VAX1: variants seen among roughly 807,000 people sequenced by gnomAD.
VAX1 encodes ventral anterior homeobox 1.
Under a neutral mutation model 17.6 loss-of-function variants are expected in VAX1, and 6 were observed. The observed-to-expected ratio is 0.34, with a 90% CI of 0.19 to 0.67. VAX1 has a LOEUF of 0.67. Ranked by LOEUF, VAX1 falls within the 30% of genes least tolerant of loss-of-function variation. The pLI is 0.69. For synonymous variants in VAX1, 256 were observed against 227.4 expected (o/e 1.13, Z -1.13); for missense variants, 408 against 463.7 (o/e 0.88, Z 1.10).
downstream of VAX1, chr10:117,132,340 C>G: frequency 1.9e-6 from 3 of 1,611,688 alleles, no homozygotes; most frequent in African/African-American, 1.3e-5. This position sits in a 1 kb window ranked among gnomAD's most constrained non-coding sequence, Gnocchi z 4.9. Context: ...CATTTATCAT[C>G]ATAGATATAT....
downstream of VAX1, chr10:117,132,118 G>A (rs1854093042): frequency 3.8e-6 from 5 of 1,330,260 alleles, no homozygotes; most frequent in South Asian, 6.7e-5. The surrounding 1 kb of genome is among the most constrained non-coding windows in gnomAD (Gnocchi z 4.9). Flanking sequence ...GGAACAAATC[G>A]TCGTAGCCAG....
chr10:117,132,594 T>C, downstream of VAX1: 1 of 1,203,750 alleles, frequency 8.3e-7, no homozygotes. This position sits in a 1 kb window ranked among gnomAD's most constrained non-coding sequence, Gnocchi z 4.9. Context: ...GAATACATTC[T>C]AGACACTGCG....
chr10:117,132,976 A>G (rs559227889), downstream of VAX1, among the ~76,000 whole-genome samples: 35 of 152,334 alleles, frequency 2.3e-4, no homozygotes, highest in African/African-American at 6.3e-4. The surrounding 1 kb of genome is among the most constrained non-coding windows in gnomAD (Gnocchi z 4.9). Flanking sequence ...TTGTGCCCGA[A>G]GCTACGCGCC....
downstream of VAX1, chr10:117,132,022 C>G: frequency 3.4e-6 from 2 of 583,804 alleles, no homozygotes; most frequent in Non-Finnish European, 6.0e-6. The surrounding 1 kb of genome is among the most constrained non-coding windows in gnomAD (Gnocchi z 4.9). Flanking sequence ...CTAAGAATTA[C>G]GCAGTGGGAA....
intron 2 of VAX1, among the ~76,000 whole-genome samples, chr10:117,135,934 C>G (rs1465146973): frequency 1.3e-5 from 2 of 152,240 alleles, no homozygotes; most frequent in African/African-American, 4.8e-5. Flanking sequence ...CTTTAAGGGT[C>G]AGGGCAGCCT....
chr10:117,134,172 G>C lies in VAX1; in HGVS notation c.841C>G (p.Leu281Val), dbSNP rs1854133001. 1.3e-6 allele frequency: 2 copies of C among 1,521,874 alleles called. No individual in the cohort carries two copies. Among genetic ancestry groups the C allele is most frequent in the Non-Finnish European group, 1.8e-6 (2 of 1,134,886 alleles). The allele number at this position is 1,521,874 out of a possible 1,614,324, so 94.3% of individuals were successfully genotyped here. A position where few individuals can be genotyped will look rare whatever the true frequency, so the allele number is the denominator to read the frequency against. ...GACAGGCGGCTGGCGACGGAGCCGA[G>C]CAGCGAGGGCACCGGCAGGCTGAAG... is the stretch of plus-strand genomic sequence containing the variant. ...SLFSLPVPSL[L>V]GSVASRLSSA... The change falls in exon 3 of 3, where the codon CTC becomes GTC. Residue 281 changes from leucine (L) to valine (V), a missense_variant. This residue lies in a region of VAX1 where 196 missense variants were observed against 218.7 expected (regional missense o/e 0.90). Coordinates refer to ENST00000369206, the MANE Select transcript of VAX1 (RefSeq NM_001112704.2). The surrounding 1 kb of genome is among the most constrained non-coding windows in gnomAD (Gnocchi z 6.2).
chr10:117,132,465 C>A, downstream of VAX1: 2 of 1,609,644 alleles, frequency 1.2e-6, no homozygotes. The surrounding 1 kb of genome is among the most constrained non-coding windows in gnomAD (Gnocchi z 4.9). Flanking sequence ...TCATTATTTT[C>A]TTCACTATTT....
Position 117,133,613 on chromosome 10 carries a change from G to C in VAX1, c.*395C>G. 1.0e-6 allele frequency: 1 copy of C among 990,866 alleles called. No individual in the cohort carries two copies. Among genetic ancestry groups the C allele is most frequent in the Non-Finnish European group, 1.2e-6 (1 of 833,736 alleles). The allele number at this position is 990,866 out of a possible 1,614,324, so 61.4% of individuals were successfully genotyped here. A position where few individuals can be genotyped will look rare whatever the true frequency, so the allele number is the denominator to read the frequency against. ...AGTTTTCCTCTTTCAAATATTCCTA[G>C]GAATAGTCGGCAGCGGCAGCAGCCG... On this transcript the variant is annotated 3_prime_UTR_variant, in exon 3 of 3. Transcript: ENST00000369206.
downstream of VAX1, chr10:117,132,277 TC>T (rs1854097167): frequency 1.2e-6 from 2 of 1,613,908 alleles, no homozygotes; most frequent in African/African-American, 1.3e-5. This position sits in a 1 kb window ranked among gnomAD's most constrained non-coding sequence, Gnocchi z 4.9. Flanking sequence ...GGCTCTTTCT[TC>T]CTTTTCTTCT....
At chr10:117,135,475 T>C (rs973920248) in intron 2 of VAX1, among the ~76,000 whole-genome samples, 3 of 152,212 alleles carry the variant, frequency 2.0e-5, no homozygotes, top group Non-Finnish European at 4.4e-5. Context: ...CTATCCTATC[T>C]AGATTTTATA....
chr10:117,132,564 T>G, downstream of VAX1: 1 of 1,451,736 alleles, frequency 6.9e-7, no homozygotes, highest in Non-Finnish European at 9.4e-7. The surrounding 1 kb of genome is among the most constrained non-coding windows in gnomAD (Gnocchi z 4.9). Context: ...AAAAGTGTTT[T>G]TCGCTTGCTT....
At chr10:117,132,643 T>G (rs1854104726), downstream of VAX1, among the ~76,000 whole-genome samples, 1 of 152,156 alleles carries the variant, frequency 6.6e-6, no homozygotes, top group South Asian at 2.1e-4. This position sits in a 1 kb window ranked among gnomAD's most constrained non-coding sequence, Gnocchi z 4.9. Context: ...GGTTAAAATG[T>G]GGGTGGCCGT....
In VAX1 at chr10:117,134,032, C is replaced by T; in HGVS notation, c.981G>A (p.Gly327=). 6.6e-7 allele frequency: 1 copy of T among 1,522,736 alleles called. No individual in the cohort carries two copies. Among genetic ancestry groups the T allele is most frequent in the South Asian group, 1.2e-5 (1 of 80,342 alleles). 94.3% of individuals were successfully genotyped at this position (1,522,736 alleles called of 1,614,324 possible). The part of the protein sequence containing the change: ...EPYSRTNNKE[G]AEKKALD ...ATCAGTCCAGCGCTTTTTTCTCGGC[C>T]CCTTCTTTATTGTTGGTCCGGGAGT... The change falls in exon 3 of 3, where the codon GGG becomes GGA. Residue 327 remains glycine, a synonymous_variant. Coordinates refer to ENST00000369206, the MANE Select transcript of VAX1 (RefSeq NM_001112704.2). The surrounding 1 kb of genome is among the most constrained non-coding windows in gnomAD (Gnocchi z 6.2).
At chr10:117,132,389 T>C, downstream of VAX1, 1 of 1,610,924 alleles carries the variant, frequency 6.2e-7, no homozygotes, top group Non-Finnish European at 8.5e-7. The surrounding 1 kb of genome is among the most constrained non-coding windows in gnomAD (Gnocchi z 4.9). Context: ...AACATCCAAA[T>C]ATCCAAAACA....
Position 117,133,713 on chromosome 10 carries a change from C to T in VAX1, c.*295G>A. 1 of 1,140,278 alleles carries T rather than the reference C, an allele frequency of 8.8e-7. No individual in the cohort carries two copies. The highest frequency in any genetic ancestry group is 2.9e-5 in the South Asian group (1 of 34,384). The allele number at this position is 1,140,278 out of a possible 1,614,324, so 70.6% of individuals were successfully genotyped here. ...AGTCTTTTCCCTCCTGGGCTGGGCA[C>T]GGGGTCAGGGCATCAGGTTGACTAA... is the stretch of plus-strand genomic sequence containing the variant. On this transcript the variant is annotated 3_prime_UTR_variant, in exon 3 of 3. Transcript: ENST00000369206.
rs752978368 is a variant in VAX1, at chr10:117,134,169, C to G, written c.844G>C (p.Gly282Arg). The part of the protein sequence containing the change: ...LFSLPVPSLL[G>R]SVASRLSSAP... ...GAGGACAGGCGGCTGGCGACGGAGC[C>G]GAGCAGCGAGGGCACCGGCAGGCTG... The change falls in exon 3 of 3, where the codon GGC becomes CGC. Residue 282 changes from glycine (G) to arginine (R), a missense_variant. Physicochemically the swap from Gly to Arg is moderately radical, Grantham distance 125. Around this residue, in one of 4 missense-constraint regions of VAX1, gnomAD observed 196 missense variants for 218.7 expected, o/e 0.90. Coordinates refer to ENST00000369206, the MANE Select transcript of VAX1 (RefSeq NM_001112704.2). This position sits in a 1 kb window ranked among gnomAD's most constrained non-coding sequence, Gnocchi z 6.2. The G allele has an allele frequency of 7.2e-6, 11 of 1,521,954 alleles. No homozygotes were observed. In the African/African-American group the frequency reaches 1.4e-4, roughly 20 times the overall value. The allele number at this position is 1,521,954 out of a possible 1,614,324, so 94.3% of individuals were successfully genotyped here.
downstream of VAX1, chr10:117,132,387 AAT>A (rs1482817457): frequency 2.5e-6 from 4 of 1,611,330 alleles, no homozygotes; most frequent in Non-Finnish European, 2.5e-6. The surrounding 1 kb of genome is among the most constrained non-coding windows in gnomAD (Gnocchi z 4.9). Flanking sequence ...AAAACATCCA[AAT>A]ATCCAAAACA....
downstream of VAX1, chr10:117,132,543 T>A (rs1854103084): frequency 1.3e-6 from 2 of 1,548,328 alleles, no homozygotes; most frequent in Admixed American, 1.9e-5. This position sits in a 1 kb window ranked among gnomAD's most constrained non-coding sequence, Gnocchi z 4.9. Context: ...ACAATAAAAT[T>A]ACTATTTTAA....
chr10:117,134,729 G>C lies in VAX1; in HGVS notation c.430-146C>G, dbSNP rs775618886. On this transcript the variant is annotated intron_variant, in intron 2 of 2. Transcript: ENST00000369206. The surrounding 1 kb of genome is among the most constrained non-coding windows in gnomAD (Gnocchi z 6.2). Reference sequence around the variant, plus strand: ...CCCACCCAGCAGCCGGAGGGGTCCGGGCCGGGGCGCTGCTGGGGGAGCTGG... The same window carrying C: ...CCCACCCAGCAGCCGGAGGGGTCCGCGCCGGGGCGCTGCTGGGGGAGCTGG... 2 of 821,322 alleles carry C rather than the reference G, an allele frequency of 2.4e-6. No individual in the cohort carries two copies. The highest frequency in any genetic ancestry group is 3.4e-5 in the East Asian group (1 of 29,498). The allele number at this position is 821,322 out of a possible 1,614,324, so 50.9% of individuals were successfully genotyped here. A position where few individuals can be genotyped will look rare whatever the true frequency, so the allele number is the denominator to read the frequency against.
Sources: gnomAD v4.1 joint callset for allele counts (sites outside exome capture counted in the v4.1 genomes callset) on GRCh38, gnomAD v4.1.1 for gene constraint, gnomAD v4.1.1 regional missense constraint, Gnocchi (gnomAD v3.1) non-coding constraint, MANE v1.5 for transcripts, NCBI Gene and HGNC (gene_info 2026-07-23, HGNC 2026-07-21) for gene names.